Variants in IL1RAPL1 observed in about 807,000 individuals in gnomAD.
IL1RAPL1 encodes the protein interleukin-1 receptor accessory protein-like 1.
In IL1RAPL1, 3 loss-of-function variants were observed where a neutral mutation model predicts 48.4. The observed-to-expected ratio is 0.06, with a 90% CI of 0.03 to 0.16. The LOEUF (loss-of-function observed/expected upper bound fraction) is 0.16. Ranked by LOEUF, IL1RAPL1 falls within the 10% of genes least tolerant of loss-of-function variation. IL1RAPL1 has a pLI of 1.00. For missense variants in IL1RAPL1, 349 were observed against 530.6 expected (o/e 0.66, Z 3.36); for synonymous variants, 185 against 187.7 (o/e 0.99, Z 0.12).
intron 1 of IL1RAPL1, among the ~76,000 whole-genome samples, chrX:28,688,764 CAATT>C (rs778527907): frequency 7.2e-5 from 8 of 111,185 alleles, no homozygotes; most frequent in Non-Finnish European, 1.1e-4. Flanking sequence ...TTGTTATTAT[CAATT>C]AAATATAATC....
intron 1 of IL1RAPL1, among the ~76,000 whole-genome samples, chrX:28,735,901 A>T (rs1233099856): frequency 9.0e-6 from 1 of 111,691 alleles, no homozygotes; most frequent in Non-Finnish European, 1.9e-5. Context: ...GATTTAAAGT[A>T]TTTTCCCTTT....
In IL1RAPL1 at chrX:29,265,740, C is replaced by T. The variant is rs1485981908; in HGVS notation, c.83-17198C>T. ...TGCGGTGTTTGGTTTTTTGTTCTTG[C>T]GATAGTTTACTGAGAATGATGATTT... On this transcript the variant is annotated intron_variant, in intron 2 of 10. Transcript: ENST00000378993. Among the ~76,000 whole-genome samples the T allele has an allele frequency of 1.2e-3, 125 of 104,172 alleles. 1 individual carries two copies. Among genetic ancestry groups the T allele is most frequent in the Non-Finnish European group, 2.0e-3 (105 of 51,286 alleles). The allele number at this position is 104,172 out of a possible 115,157, so 90.5% of individuals were successfully genotyped here.
chrX:28,899,255 A>G (rs764056759), intron 2 of IL1RAPL1, among the ~76,000 whole-genome samples: 14 of 111,378 alleles, frequency 1.3e-4, no homozygotes, highest in Non-Finnish European at 2.6e-4. Flanking sequence ...CTCTCCTTTC[A>G]CATGTGGGGA....
chrX:28,823,239 G>A (rs1445642585), intron 2 of IL1RAPL1, among the ~76,000 whole-genome samples: 4 of 111,469 alleles, frequency 3.6e-5, no homozygotes, highest in Non-Finnish European at 5.7e-5. Flanking sequence ...TTGAATAAAG[G>A]TGGTGACAAA....
At chrX:29,427,373 C>T (rs1934363417) in intron 5 of IL1RAPL1, among the ~76,000 whole-genome samples, 1 of 112,637 alleles carries the variant, frequency 8.9e-6, no homozygotes, top group Admixed American at 9.4e-5. Context: ...TACACTGAGA[C>T]AGCAGTGTTG....
At chrX:29,696,091 T>G (rs1229091831) in intron 6 of IL1RAPL1, among the ~76,000 whole-genome samples, 1 of 111,442 alleles carries the variant, frequency 9.0e-6, no homozygotes, top group Non-Finnish European at 1.9e-5. Flanking sequence ...ACTACTGACA[T>G]TTTGTGCTTA....
At chrX:28,951,634 T>C (rs1050548964) in intron 2 of IL1RAPL1, among the ~76,000 whole-genome samples, 8 of 110,901 alleles carry the variant, frequency 7.2e-5, no homozygotes, top group African/African-American at 2.6e-4. Flanking sequence ...AGAGTGAATA[T>C]TATGGTAGGT....
chrX:29,766,017 T>TA (rs776363078), intron 6 of IL1RAPL1, among the ~76,000 whole-genome samples: 104 of 109,918 alleles, frequency 9.5e-4, no homozygotes, highest in African/African-American at 3.4e-3. Context: ...GCTGTCGAAC[T>TA]AAAAAAATAT....
At chrX:29,802,779 A>ATG (rs1929963541) in intron 6 of IL1RAPL1, among the ~76,000 whole-genome samples, 1 of 22,369 alleles carries the variant, frequency 4.5e-5, no homozygotes, top group Non-Finnish European at 7.5e-5. Context: ...ATATATATAT[A>ATG]TATGTGTGTG....
intron 3 of IL1RAPL1, among the ~76,000 whole-genome samples, chrX:29,372,327 C>T (rs754022997): frequency 5.4e-5 from 6 of 111,887 alleles, no homozygotes; most frequent in East Asian, 2.8e-4. Context: ...ATTAGACTTT[C>T]GCCAAATGCA....
intron 2 of IL1RAPL1, among the ~76,000 whole-genome samples, chrX:29,019,367 T>G (rs1275170627): frequency 1.8e-5 from 2 of 111,837 alleles, no homozygotes; most frequent in African/African-American, 6.5e-5. Flanking sequence ...ATATTCAAAA[T>G]TAATAAATGG....
intron 3 of IL1RAPL1, among the ~76,000 whole-genome samples, chrX:29,360,524 G>T (rs562167429): frequency 8.9e-6 from 1 of 112,154 alleles, no homozygotes; most frequent in Admixed American, 9.5e-5. Context: ...ATTAAATCCA[G>T]ATTGGTTATA....
chrX:29,512,353 A>C, intron 5 of IL1RAPL1, among the ~76,000 whole-genome samples: 1 of 111,135 alleles, frequency 9.0e-6, no homozygotes, highest in Middle Eastern at 4.6e-3. Context: ...GCTGAGTGTA[A>C]GATTTCAAGA....
intron 6 of IL1RAPL1, among the ~76,000 whole-genome samples, chrX:29,800,377 GA>G (rs1359642284): frequency 1.8e-5 from 2 of 110,439 alleles, no homozygotes; most frequent in Non-Finnish European, 3.8e-5. Context: ...AACATAGACT[GA>G]CAAGCTTCTC....
chrX:29,955,544 A>G lies in IL1RAPL1; in HGVS notation c.1815A>G (p.Pro605=). 1 of 1,208,926 alleles carries G rather than the reference A, an allele frequency of 8.3e-7. No individual in the cohort carries two copies. Among genetic ancestry groups the G allele is most frequent in the Admixed American group, 2.2e-5 (1 of 45,757 alleles). The stretch of plus-strand genomic sequence containing the variant: ...CCACAGCTCTAGCCACTGCCCATCC[A>G]GATCTCCGTTCTACCTTTCACAACA... ...ATSTALATAH[P]DLRSTFHNTY... is the part of the protein sequence containing the mutation. The change falls in exon 11 of 11, where the codon CCA becomes CCG. Residue 605 remains proline (P), a synonymous_variant. Coordinates refer to ENST00000378993, the MANE Select transcript of IL1RAPL1 (RefSeq NM_014271.4).
At chrX:29,782,145 TGTAC>T (rs1929360441) in intron 6 of IL1RAPL1, among the ~76,000 whole-genome samples, 1 of 109,456 alleles carries the variant, frequency 9.1e-6, no homozygotes, top group Non-Finnish European at 1.9e-5. Context: ...TATCTATCTA[TGTAC>T]CTACCTACCT....
At chrX:29,361,542 AACACACACACACAC>A (rs35694893) in intron 3 of IL1RAPL1, among the ~76,000 whole-genome samples, 5,278 of 100,946 alleles carry the variant, frequency 0.052, 319 homozygotes, top group African/African-American at 0.18. Context: ...AACTACCTTA[AACACACACACACAC>A]ACACACACAC....
In IL1RAPL1 at chrX:29,901,710, A is replaced by G. The variant is rs971030365; in HGVS notation, c.779-15754A>G. ...CATTTTTAATGGCTGATTTAAATATACTTGGAGGCTAAAAATGCAATAATT... is the reference window on the plus strand; with the variant it reads ...CATTTTTAATGGCTGATTTAAATATGCTTGGAGGCTAAAAATGCAATAATT... On this transcript the variant is annotated intron_variant, in intron 6 of 10. Coordinates refer to ENST00000378993, the MANE Select transcript of IL1RAPL1 (RefSeq NM_014271.4). Among the ~76,000 whole-genome samples, 5 of 112,108 alleles carry G rather than the reference A, an allele frequency of 4.5e-5. No homozygotes were observed. The East Asian group carries it at 1.4e-3, about 31-fold the overall frequency.
chrX:29,779,425 A>C (rs1247818018), intron 6 of IL1RAPL1, among the ~76,000 whole-genome samples: 1 of 111,406 alleles, frequency 9.0e-6, no homozygotes. Flanking sequence ...GAAGGAAACA[A>C]TAAACATCAG....
Sources: gnomAD v4.1 joint callset for allele counts (sites outside exome capture counted in the v4.1 genomes callset) on GRCh38, gnomAD v4.1.1 for gene constraint, MANE v1.5 for transcripts, NCBI Gene and HGNC (gene_info 2026-07-23, HGNC 2026-07-21) for gene names.